The following ABCD2 variants were observed in gnomAD, a reference collection of about 807,000 sequenced individuals.
ABCD2 encodes the protein ATP binding cassette subfamily D member 2.
A neutral mutation model predicts 70.9 loss-of-function variants in ABCD2; 36 were observed. The ratio of observed to expected loss-of-function variants is 0.51; its 90% CI spans 0.39 to 0.67. ABCD2 has a LOEUF of 0.67. Among genes scored for constraint, ABCD2 ranks in the 30% least tolerant of loss-of-function variants. The pLI is 0.00. For missense variants in ABCD2, 729 were observed against 890.2 expected (o/e 0.82, Z 2.30); for synonymous variants, 304 against 306.9 (o/e 0.99, Z 0.10).
intron 2 of ABCD2, among the ~76,000 whole-genome samples, chr12:39,611,970 C>T (rs1385871516): frequency 6.6e-6 from 1 of 151,984 alleles, no homozygotes; most frequent in East Asian, 1.9e-4. Context: ...GCTATCCAAA[C>T]GTCCAATGAG....
At chr12:39,581,339 A>C (rs1020145553) in intron 7 of ABCD2, among the ~76,000 whole-genome samples, 1 of 152,194 alleles carries the variant, frequency 6.6e-6, no homozygotes, top group Non-Finnish European at 1.5e-5. Flanking sequence ...TGGAGTGAAA[A>C]GGAGACTTTC....
intron 2 of ABCD2, among the ~76,000 whole-genome samples, chr12:39,614,362 T>A (rs1942087066): frequency 6.6e-6 from 1 of 152,182 alleles, no homozygotes; most frequent in South Asian, 2.1e-4. Flanking sequence ...TGTATAATTA[T>A]CTCTATAGTT....
chr12:39,594,856 C>T (rs1356672579), intron 6 of ABCD2, among the ~76,000 whole-genome samples: 1 of 151,956 alleles, frequency 6.6e-6, no homozygotes. Context: ...CGCCTGTAAT[C>T]CCAGTTACTT....
intron 6 of ABCD2, among the ~76,000 whole-genome samples, chr12:39,589,215 C>T (rs1941708811): frequency 6.6e-6 from 1 of 152,024 alleles, no homozygotes; most frequent in Non-Finnish European, 1.5e-5. Context: ...CCTATTTTCC[C>T]ATGGTACACA....
At chr12:39,614,547 T>C (rs953824081) in intron 2 of ABCD2, among the ~76,000 whole-genome samples, 20 of 150,310 alleles carry the variant, frequency 1.3e-4, no homozygotes, top group African/African-American at 4.6e-4. Flanking sequence ...CACCTATTTT[T>C]CTACCTTTTT....
chr12:39,598,629 A>T (rs1941853722), intron 6 of ABCD2, among the ~76,000 whole-genome samples: 1 of 151,730 alleles, frequency 6.6e-6, no homozygotes, highest in African/African-American at 2.4e-5. Context: ...CAAACTCCTG[A>T]CCTCAGGCGA....
chr12:39,557,853 G>A (rs1941192916), intron 9 of ABCD2, among the ~76,000 whole-genome samples: 2 of 152,220 alleles, frequency 1.3e-5, no homozygotes, highest in African/African-American at 2.4e-5. Flanking sequence ...GAAACACCTG[G>A]ATGTCCAGGC....
intron 6 of ABCD2, among the ~76,000 whole-genome samples, chr12:39,588,552 A>G (rs558039176): frequency 6.6e-6 from 1 of 152,340 alleles, no homozygotes; most frequent in Admixed American, 6.5e-5. Context: ...ATTCTCCCCA[A>G]GAGCCTTCAG....
At chr12:39,547,388 C>G (rs1244785606), downstream of ABCD2, among the ~76,000 whole-genome samples, 1 of 152,098 alleles carries the variant, frequency 6.6e-6, no homozygotes, top group Non-Finnish European at 1.5e-5. Flanking sequence ...CATATTCACA[C>G]AGCACTATTC....
At chr12:39,599,577 C>T (rs1420534270) in intron 6 of ABCD2, among the ~76,000 whole-genome samples, 1 of 152,164 alleles carries the variant, frequency 6.6e-6, no homozygotes, top group Non-Finnish European at 1.5e-5. Flanking sequence ...CTTCATTCTC[C>T]TATATTCCAG....
At position 39,551,371 on chromosome 12, in the gene ABCD2, A is replaced by G. The variant is rs1167963010; in HGVS notation, c.*2541T>C. On this transcript the variant is annotated 3_prime_UTR_variant, in exon 10 of 10. Transcript: ENST00000308666. ...GTAAAAGTAGTTTGAAACTTGAAAT[A>G]TTCTTTCTTTTTTCCTTTCCTCATC... The G allele has an allele frequency of 6.6e-6, 1 of 151,680 alleles. No homozygotes were observed. Among genetic ancestry groups the G allele is most frequent in the African/African-American group, 2.4e-5 (1 of 41,408 alleles). The allele number at this position is 151,680 out of a possible 1,614,324, so 9.4% of individuals were successfully genotyped here.
chr12:39,566,570 C>A (rs936662324), intron 9 of ABCD2, among the ~76,000 whole-genome samples: 1 of 152,040 alleles, frequency 6.6e-6, no homozygotes, highest in Non-Finnish European at 1.5e-5. Context: ...TTGATCTTTT[C>A]AAAAAACCAG....
intron 2 of ABCD2, among the ~76,000 whole-genome samples, chr12:39,615,866 C>T (rs1307175562): frequency 6.6e-6 from 1 of 152,024 alleles, no homozygotes; most frequent in Non-Finnish European, 1.5e-5. Context: ...GATTCTGTAA[C>T]AATATTCTTA....
chr12:39,565,247 C>T (rs1316613258), intron 9 of ABCD2, among the ~76,000 whole-genome samples: 2 of 152,130 alleles, frequency 1.3e-5, no homozygotes, highest in African/African-American at 4.8e-5. Context: ...GATATTGATT[C>T]TTCCTACCCA....
At chr12:39,597,392 G>T (rs1278290982) in intron 6 of ABCD2, among the ~76,000 whole-genome samples, 1 of 152,164 alleles carries the variant, frequency 6.6e-6, no homozygotes, top group Non-Finnish European at 1.5e-5. Context: ...GATGAAGACA[G>T]AAACTTACCA....
In ABCD2 at chr12:39,570,878, A is replaced by T. The variant is rs148346213; in HGVS notation, c.2003+2838T>A. Among the ~76,000 whole-genome samples, 12 of 152,334 alleles carry T rather than the reference A, an allele frequency of 7.9e-5. 1 individual carries two copies. Among genetic ancestry groups the T allele is most frequent in the Admixed American group, 6.5e-4 (10 of 15,302 alleles). On this transcript the variant is annotated intron_variant, in intron 9 of 9. Transcript: ENST00000308666. ...CTGATAACAGCCAACATATATAAGA[A>T]ATTCAAACAACTAAATAGCAAGAAA...
At chr12:39,594,837 C>T (rs7134015) in intron 6 of ABCD2, among the ~76,000 whole-genome samples, 9 of 151,668 alleles carry the variant, frequency 5.9e-5, no homozygotes. Flanking sequence ...CTCTGGGTTT[C>T]GTGGTGGGCG....
intron 8 of ABCD2, among the ~76,000 whole-genome samples, chr12:39,574,850 C>T (rs1252598917): frequency 6.6e-6 from 1 of 152,068 alleles, no homozygotes; most frequent in Non-Finnish European, 1.5e-5. Flanking sequence ...GTCCTAAAAT[C>T]GATTTGCTTA....
At chr12:39,589,719 C>T (rs1318261096) in intron 6 of ABCD2, among the ~76,000 whole-genome samples, 2 of 151,764 alleles carry the variant, frequency 1.3e-5, no homozygotes, top group Non-Finnish European at 2.9e-5. Flanking sequence ...AATGATGTAA[C>T]GATGTATAAA....
Sources: gnomAD v4.1 joint callset for allele counts (sites outside exome capture counted in the v4.1 genomes callset) on GRCh38, gnomAD v4.1.1 for gene constraint, MANE v1.5 for transcripts, NCBI Gene and HGNC (gene_info 2026-07-23, HGNC 2026-07-21) for gene names.